BMPR2: variants seen among roughly 807,000 people sequenced by gnomAD.
The protein encoded by BMPR2 is bone morphogenetic protein receptor type 2, also known as bone morphogenetic protein receptor type-2.
Under a neutral mutation model 100.8 loss-of-function variants are expected in BMPR2, and 29 were observed. The ratio of observed to expected loss-of-function variants is 0.29; its 90% CI spans 0.21 to 0.39. The LOEUF (loss-of-function observed/expected upper bound fraction) is 0.39. BMPR2 is among the 10% of genes least tolerant of loss of function. The probability of loss-of-function intolerance (pLI) is 1.00; values close to 1 mark genes in which losing one functional copy is unlikely to be tolerated. For synonymous variants in BMPR2, 382 were observed against 442.3 expected, an observed-to-expected ratio of 0.86 and a Z score of 1.71; for missense variants, 1,011 against 1,274.5, an observed-to-expected ratio of 0.79 and a Z score of 3.15.
chr2:202,494,526 C>T (rs1383015198), intron 3 of BMPR2, among the ~76,000 whole-genome samples: 1 of 152,188 alleles, frequency 6.6e-6, no homozygotes, highest in Non-Finnish European at 1.5e-5. Context: ...CAGAGGTTCC[C>T]TGTCTGTTCT....
chr2:202,409,240 G>T (rs1372742414), intron 1 of BMPR2, among the ~76,000 whole-genome samples: 1 of 152,136 alleles, frequency 6.6e-6, no homozygotes, highest in Non-Finnish European at 1.5e-5. Context: ...AGCTATTTGG[G>T]TGGCTATGGC....
chr2:202,493,733 C>G (rs1051458257), intron 3 of BMPR2, among the ~76,000 whole-genome samples: 3 of 152,068 alleles, frequency 2.0e-5, no homozygotes, highest in Non-Finnish European at 4.4e-5. Context: ...GAATGTTTTT[C>G]CCATTTTTTC....
intron 1 of BMPR2, among the ~76,000 whole-genome samples, chr2:202,413,733 T>C: frequency 6.6e-6 from 1 of 152,058 alleles, no homozygotes; most frequent in East Asian, 1.9e-4. Flanking sequence ...AGTGTTATTT[T>C]GGCTCACTGC....
At position 202,552,732 on chromosome 2, in the gene BMPR2, A is replaced by G. The variant is rs149333650; in HGVS notation, c.1430A>G (p.Lys477Arg). The change falls in exon 11 of 13, where the codon AAG (lysine) becomes AGG (arginine). Residue 477 changes from lysine (K) to arginine (R), a missense_variant. By Grantham distance (26) the Lys-to-Arg change is conservative (BLOSUM62 2). Coordinates refer to ENST00000374580, the MANE Select transcript of BMPR2 (RefSeq NM_001204.7). ...KENSLAVRSL[K>R]ETIEDCWDQD... ...GTCTTACAGGCAGTGAGGTCACTCA[A>G]GGAGACAATCGAAGACTGTTGGGAC... 5 of 1,614,102 alleles carry G rather than the reference A, an allele frequency of 3.1e-6. No individual in the cohort carries two copies. The East Asian group carries it at 8.9e-5, about 29-fold the overall frequency.
rs1688713770 is a variant in BMPR2, at chr2:202,563,855, A to G, written c.*3909A>G. ...TTTAGAAAATTTACTAATCTATAGA[A>G]CTAATTGAGTAGGATATAGGAAGGA... On this transcript the variant is annotated 3_prime_UTR_variant, in exon 13 of 13. Transcript: ENST00000374580. The G allele has an allele frequency of 1.3e-5, 2 of 152,222 alleles. No individual in the cohort carries two copies. The highest frequency in any genetic ancestry group is 2.9e-5 in the Non-Finnish European group (2 of 68,044). 9.4% of individuals were successfully genotyped at this position (152,222 alleles called of 1,614,324 possible).
intron 1 of BMPR2, among the ~76,000 whole-genome samples, chr2:202,441,518 C>A (rs1691742582): frequency 7.1e-6 from 1 of 140,710 alleles, no homozygotes; most frequent in Non-Finnish European, 1.5e-5. Flanking sequence ...TCCTGGCTAA[C>A]ACGGTGAAAC....
intron 10 of BMPR2, among the ~76,000 whole-genome samples, chr2:202,549,867 A>G (rs1351170273): frequency 4.6e-5 from 7 of 152,102 alleles, no homozygotes; most frequent in Admixed American, 4.6e-4. Context: ...CTTTGCCAAC[A>G]TTTGGTATTG....
chr2:202,530,998 ATAATT>A, intron 8 of BMPR2, 44 bp downstream of exon 8: 1 of 1,609,366 alleles, frequency 6.2e-7, no homozygotes, highest in Non-Finnish European at 8.5e-7. Context: ...CTTTGAAATG[ATAATT>A]TAATTAAAAC....
intron 3 of BMPR2, among the ~76,000 whole-genome samples, chr2:202,475,483 T>C (rs1692527758): frequency 6.6e-6 from 1 of 152,214 alleles, no homozygotes; most frequent in African/African-American, 2.4e-5. Flanking sequence ...TTGCATCCTT[T>C]AGGAAAATAT....
chr2:202,558,847 C>A (rs1688629960), intron 12 of BMPR2, among the ~76,000 whole-genome samples: 3 of 139,300 alleles, frequency 2.2e-5, no homozygotes, highest in Admixed American at 7.8e-5. Flanking sequence ...GAGCCGAGAT[C>A]ATGTCATTGC....
rs902697192 is a variant in BMPR2 at position 202,566,000 on chromosome 2, A to G, written c.*6054A>G. On this transcript the variant is annotated 3_prime_UTR_variant, in exon 13 of 13. Transcript: ENST00000374580. Reference sequence around the variant, plus strand: ...GTGATGTTTGTAGTGTTACTATTAAACATTGTGAACATACACATTTTTAAA... The same window carrying G: ...GTGATGTTTGTAGTGTTACTATTAAGCATTGTGAACATACACATTTTTAAA... The G allele has an allele frequency of 6.6e-6, 1 of 152,204 alleles. No individual in the cohort carries two copies. Among genetic ancestry groups the G allele is most frequent in the Non-Finnish European group, 1.5e-5 (1 of 67,998 alleles). 9.4% of individuals were successfully genotyped at this position (152,204 alleles called of 1,614,324 possible).
chr2:202,490,638 T>C (rs1268957159), intron 3 of BMPR2, among the ~76,000 whole-genome samples: 1 of 152,236 alleles, frequency 6.6e-6, no homozygotes, highest in Non-Finnish European at 1.5e-5. Flanking sequence ...TTCCTGCATA[T>C]GCCAGAATTT....
At chr2:202,552,996 C>T (rs1438247299) in intron 11 of BMPR2, 108 bp downstream of exon 11, 4 of 1,315,704 alleles carry the variant, frequency 3.0e-6, no homozygotes, top group Non-Finnish European at 3.2e-6. Flanking sequence ...CAATGATTAC[C>T]TCATACAATC....
chr2:202,459,431 C>T (rs1692182913), intron 1 of BMPR2, among the ~76,000 whole-genome samples: 1 of 152,116 alleles, frequency 6.6e-6, no homozygotes, highest in African/African-American at 2.4e-5. Context: ...ATTGTTTCAT[C>T]ACCCAGGTAT....
intron 3 of BMPR2, among the ~76,000 whole-genome samples, chr2:202,500,428 C>G (rs1442669938): frequency 6.6e-6 from 1 of 152,168 alleles, no homozygotes; most frequent in Non-Finnish European, 1.5e-5. Flanking sequence ...ATATGGGGAA[C>G]AAGTTAGCCA....
At chr2:202,456,769 C>A (rs1157064318) in intron 1 of BMPR2, among the ~76,000 whole-genome samples, 1 of 152,124 alleles carries the variant, frequency 6.6e-6, no homozygotes, top group African/African-American at 2.4e-5. Flanking sequence ...CCAGCCTCGG[C>A]CTCCTAAAGT....
chr2:202,532,768 G>A lies in BMPR2; in HGVS notation c.1276+36G>A. 2 of 1,600,726 alleles carry A rather than the reference G, an allele frequency of 1.2e-6. No individual in the cohort carries two copies. The highest frequency in any genetic ancestry group is 1.7e-6 in the Non-Finnish European group (2 of 1,175,010). ...CTGTCAAAAGTTGATATTTTTTGAAGTGAAGCAGTTATATCTTCTTTCTCT... is the reference window on the plus strand; with the variant it reads ...CTGTCAAAAGTTGATATTTTTTGAAATGAAGCAGTTATATCTTCTTTCTCT... On this transcript the variant is annotated intron_variant, in intron 9 of 12. Transcript: ENST00000374580. This position sits in a 1 kb window ranked among gnomAD's most constrained non-coding sequence, Gnocchi z 4.1.
chr2:202,429,343 C>A (rs1691456310), intron 1 of BMPR2, among the ~76,000 whole-genome samples: 1 of 10,912 alleles, frequency 9.2e-5, no homozygotes, highest in African/African-American at 1.6e-4. Flanking sequence ...TTTTCAGCAT[C>A]ATTTCCTACT....
In BMPR2 at chr2:202,556,481, A is replaced by G; in HGVS notation, c.2816A>G (p.Asn939Ser). The G allele has an allele frequency of 6.2e-7, 1 of 1,614,090 alleles. No homozygotes were observed. Among genetic ancestry groups the G allele is most frequent in the Non-Finnish European group, 8.5e-7 (1 of 1,180,048 alleles). ...PSKPRRAQRP[N>S]SLDLSATNVL... Reference sequence around the variant, plus strand: ...AAGCCCAGAAGAGCACAGAGGCCTAATTCTCTGGATCTTTCAGCCACAAAT... The same window carrying G: ...AAGCCCAGAAGAGCACAGAGGCCTAGTTCTCTGGATCTTTCAGCCACAAAT... Residue 939 changes from asparagine to serine, a missense_variant, in exon 12 of 13, where the codon AAT (asparagine) becomes AGT (serine). Transcript: ENST00000374580.
Sources: gnomAD v4.1 joint callset for allele counts (sites outside exome capture counted in the v4.1 genomes callset) on GRCh38, gnomAD v4.1.1 for gene constraint, Gnocchi (gnomAD v3.1) non-coding constraint, MANE v1.5 for transcripts, NCBI Gene and HGNC (gene_info 2026-07-23, HGNC 2026-07-21) for gene names.